RPS6KC1: variants seen among roughly 807,000 people sequenced by gnomAD.
RPS6KC1 encodes inactive ribosomal protein S6 kinase delta-1.
A neutral mutation model predicts 103.8 loss-of-function variants in RPS6KC1; 54 were observed. That is an observed-to-expected ratio of 0.52 (90% CI 0.42 to 0.65). The LOEUF (loss-of-function observed/expected upper bound fraction) is 0.65. Ranked by LOEUF, RPS6KC1 falls within the 30% of genes least tolerant of loss-of-function variation. RPS6KC1 has a pLI of 0.00. For synonymous variants in RPS6KC1, 439 were observed against 438.7 expected (o/e 1.00, Z -0.01); for missense variants, 1,151 against 1,253.8 (o/e 0.92, Z 1.24).
At chr1:213,590,557 G>T in the RPS6KC1 span, among the ~76,000 whole-genome samples, 1 of 152,174 alleles carries the variant, frequency 6.6e-6, no homozygotes, top group Non-Finnish European at 1.5e-5. Flanking sequence ...CAGAGGACAT[G>T]TGGGAGCTCA....
At chr1:213,196,140 AT>A (rs1225402536) in intron 8 of RPS6KC1, among the ~76,000 whole-genome samples, 4 of 151,930 alleles carry the variant, frequency 2.6e-5, no homozygotes, top group Non-Finnish European at 5.9e-5. Flanking sequence ...ACACCAAAAA[AT>A]TATTTTTTTT....
chr1:213,490,087 C>T, the RPS6KC1 span, among the ~76,000 whole-genome samples: 1 of 152,160 alleles, frequency 6.6e-6, no homozygotes, highest in Non-Finnish European at 1.5e-5. Context: ...GGGTTTGTGA[C>T]AATCCTGGCA....
At chr1:213,286,022 A>G in the RPS6KC1 span, among the ~76,000 whole-genome samples, 1 of 152,206 alleles carries the variant, frequency 6.6e-6, no homozygotes, top group Non-Finnish European at 1.5e-5. Flanking sequence ...GAACCGTCTG[A>G]CGTGGGACAA....
chr1:213,593,773 A>G, the RPS6KC1 span, among the ~76,000 whole-genome samples: 2 of 152,198 alleles, frequency 1.3e-5, no homozygotes, highest in Non-Finnish European at 2.9e-5. Flanking sequence ...GTCAGTAGGC[A>G]GCTGAGACCT....
the RPS6KC1 span, among the ~76,000 whole-genome samples, chr1:213,418,163 G>A: frequency 6.6e-6 from 1 of 152,268 alleles, no homozygotes; most frequent in Admixed American, 6.5e-5. Flanking sequence ...ATCTTCCTGT[G>A]GGGTCTTGGG....
At chr1:213,268,637 T>C (rs1281956364) in intron 14 of RPS6KC1, among the ~76,000 whole-genome samples, 6 of 149,440 alleles carry the variant, frequency 4.0e-5, no homozygotes, top group Non-Finnish European at 8.9e-5. Flanking sequence ...GCAACAATTA[T>C]AAAACCATGC....
chr1:213,706,732 TG>T, the RPS6KC1 span, among the ~76,000 whole-genome samples: 2 of 152,082 alleles, frequency 1.3e-5, no homozygotes, highest in African/African-American at 4.8e-5. Flanking sequence ...CAGTGTGTGT[TG>T]TTTCCTTCCC....
chr1:213,424,241 G>T, the RPS6KC1 span, among the ~76,000 whole-genome samples: 1 of 152,320 alleles, frequency 6.6e-6, no homozygotes, highest in Non-Finnish European at 1.5e-5. Flanking sequence ...CTCAACTTCG[G>T]CTTTCTACGA....
At chr1:213,363,615 TTGCTTGCTTGCTTTC>T in the RPS6KC1 span, among the ~76,000 whole-genome samples, 2 of 85,360 alleles carry the variant, frequency 2.3e-5, no homozygotes, top group South Asian at 9.8e-4. Context: ...GCTTGCTTGC[TTGCTTGCTTGCTTTC>T]TTTCTTTCTT....
At chr1:213,182,351 C>T (rs1042348203) in intron 8 of RPS6KC1, among the ~76,000 whole-genome samples, 2 of 151,930 alleles carry the variant, frequency 1.3e-5, no homozygotes, top group Non-Finnish European at 2.9e-5. Context: ...AATTAACCAG[C>T]ATGGTGGTGC....
At chr1:213,851,057 T>G in the RPS6KC1 span, among the ~76,000 whole-genome samples, 11 of 152,106 alleles carry the variant, frequency 7.2e-5, no homozygotes, top group Non-Finnish European at 1.0e-4. Context: ...AGTCCACCTC[T>G]TCATCAATTT....
intron 3 of RPS6KC1, among the ~76,000 whole-genome samples, chr1:213,079,710 G>T (rs2079680194): frequency 6.6e-6 from 1 of 151,878 alleles, no homozygotes; most frequent in Admixed American, 6.6e-5. Context: ...GATCCACCGC[G>T]CCTGGCAGAT....
chr1:213,775,014 A>G, the RPS6KC1 span, among the ~76,000 whole-genome samples: 1 of 152,126 alleles, frequency 6.6e-6, no homozygotes, highest in Admixed American at 6.5e-5. Flanking sequence ...ATACTGTTTT[A>G]TTTTGGGTGA....
rs35813252 is a variant in RPS6KC1 at position 213,178,186 on chromosome 1, AAAATAAATAAAT to A, written c.1044+1728_1044+1739del. Among the ~76,000 whole-genome samples the A allele has an allele frequency of 1.1e-3, 140 of 128,312 alleles. 1 individual carries two copies. The highest frequency in any genetic ancestry group is 2.1e-3 in the Admixed American group (27 of 12,696). The allele number at this position is 128,312 out of a possible 152,430, so 84.2% of individuals were successfully genotyped here. ...GGGTGACAGAGTGAGACTCTGTCTC[AAAATAAATAAAT>A]AAATAAATAAATAAATAAATAAATA... On this transcript the variant is annotated intron_variant, in intron 8 of 14. Transcript: ENST00000366960.
At chr1:213,328,983 G>T in the RPS6KC1 span, among the ~76,000 whole-genome samples, 1 of 152,084 alleles carries the variant, frequency 6.6e-6, no homozygotes, top group East Asian at 1.9e-4. Context: ...TACGAGTTCC[G>T]TCTCCTAGCC....
At chr1:213,658,360 G>A in the RPS6KC1 span, among the ~76,000 whole-genome samples, 2 of 152,170 alleles carry the variant, frequency 1.3e-5, no homozygotes, top group African/African-American at 2.4e-5. Context: ...GCTAAGTCAA[G>A]CACTTTTGCC....
At chr1:213,523,903 G>C in the RPS6KC1 span, among the ~76,000 whole-genome samples, 1 of 152,130 alleles carries the variant, frequency 6.6e-6, no homozygotes, top group Non-Finnish European at 1.5e-5. Flanking sequence ...CAGGGAACGG[G>C]GGTAAGACTG....
At chr1:213,289,548 A>C in the RPS6KC1 span, among the ~76,000 whole-genome samples, 1 of 152,188 alleles carries the variant, frequency 6.6e-6, no homozygotes, top group Non-Finnish European at 1.5e-5. Flanking sequence ...AATTCAGATA[A>C]ATGGCAGAAT....
the RPS6KC1 span, among the ~76,000 whole-genome samples, chr1:213,815,493 A>G: frequency 6.6e-6 from 1 of 152,234 alleles, no homozygotes; most frequent in Non-Finnish European, 1.5e-5. Flanking sequence ...GCATATGACC[A>G]TTATGAAACA....
Sources: gnomAD v4.1 joint callset for allele counts (sites outside exome capture counted in the v4.1 genomes callset) on GRCh38, gnomAD v4.1.1 for gene constraint, MANE v1.5 for transcripts, NCBI Gene and HGNC (gene_info 2026-07-23, HGNC 2026-07-21) for gene names.